COL26A1: variants seen among roughly 807,000 people sequenced by gnomAD.
COL26A1 encodes the protein collagen type XXVI alpha 1 chain, also known as collagen alpha-1(XXVI) chain.
COL26A1 carries 41 observed loss-of-function variants against 59.3 expected under a neutral mutation model. That is an observed-to-expected ratio of 0.69 (90% CI 0.54 to 0.90). The LOEUF is 0.90. Among genes scored for constraint, COL26A1 ranks in the 40% least tolerant of loss-of-function variants. The pLI is 0.00. For synonymous variants in COL26A1, 266 were observed against 256.0 expected (o/e 1.04, Z -0.37); for missense variants, 612 against 602.3 (o/e 1.02, Z -0.17).
intron 10 of COL26A1, among the ~76,000 whole-genome samples, chr7:101,551,899 G>A (rs1371821002): frequency 6.6e-6 from 1 of 152,202 alleles, no homozygotes; most frequent in Non-Finnish European, 1.5e-5. Flanking sequence ...CACAGTGGAG[G>A]TGCTCTCTTC....
chr7:101,403,520 A>C (rs923986479), intron 1 of COL26A1, among the ~76,000 whole-genome samples: 4 of 147,522 alleles, frequency 2.7e-5, no homozygotes, highest in African/African-American at 9.7e-5. Context: ...CTCTGCTTCA[A>C]CAACAACAAC....
chr7:101,368,608 T>G (rs60374680), intron 1 of COL26A1, among the ~76,000 whole-genome samples: 3,449 of 152,232 alleles, frequency 0.023, 125 homozygotes, highest in African/African-American at 0.078. Context: ...AGGTGGTAAC[T>G]TCTAGGTTGT....
chr7:101,414,734 G>T lies in COL26A1; in HGVS notation c.159-5243G>T, dbSNP rs6976914. 8.7e-3 allele frequency among the ~76,000 whole-genome samples: 1,325 copies of T among 152,308 alleles called. 15 individuals are homozygous for T. The highest frequency in any genetic ancestry group is 0.029 in the African/African-American group (1,223 of 41,562). ...TTACAGGCATGAGCCACTGCGCCCG[G>T]CTCACCTTTCTTTTTGGAAACACAC... On this transcript the variant is annotated intron_variant, in intron 1 of 12. Transcript: ENST00000313669.
At chr7:101,485,273 G>A (rs1387951293) in intron 3 of COL26A1, among the ~76,000 whole-genome samples, 1 of 152,246 alleles carries the variant, frequency 6.6e-6, no homozygotes, top group African/African-American at 2.4e-5. Flanking sequence ...AGGTGATGCT[G>A]CCTCACCTGC....
At chr7:101,476,379 T>C (rs1241928078) in intron 3 of COL26A1, among the ~76,000 whole-genome samples, 1 of 152,198 alleles carries the variant, frequency 6.6e-6, no homozygotes, top group Non-Finnish European at 1.5e-5. Flanking sequence ...ATAGATCTAA[T>C]TGGTTTTTAT....
chr7:101,456,173 T>G lies in COL26A1; in HGVS notation c.385+8386T>G, dbSNP rs144067799. Among the ~76,000 whole-genome samples, 7 of 117,824 alleles carry G rather than the reference T, an allele frequency of 5.9e-5. No individual in the cohort carries two copies. The South Asian group carries it at 9.4e-4, about 16-fold the overall frequency. 77.3% of individuals were successfully genotyped at this position (117,824 alleles called of 152,430 possible). On this transcript the variant is annotated intron_variant, in intron 3 of 12. Transcript: ENST00000313669. ...GTAAGTATATATATATATATATTTT[T>G]TTTTTAATGGAGATAAAATTTACAC...
chr7:101,498,724 G>A (rs909989404), intron 3 of COL26A1, among the ~76,000 whole-genome samples: 1 of 152,202 alleles, frequency 6.6e-6, no homozygotes, highest in African/African-American at 2.4e-5. Context: ...GCAGTGAGAT[G>A]TTCTTCTAGA....
chr7:101,485,799 GCC>G (rs1794255511), intron 3 of COL26A1, among the ~76,000 whole-genome samples: 1 of 152,136 alleles, frequency 6.6e-6, no homozygotes, highest in Non-Finnish European at 1.5e-5. Context: ...ATGAGCCGAG[GCC>G]CAGCCGCGGC....
intron 3 of COL26A1, among the ~76,000 whole-genome samples, chr7:101,513,304 A>G (rs943003659): frequency 6.6e-6 from 1 of 150,652 alleles, no homozygotes; most frequent in Non-Finnish European, 1.5e-5. Context: ...CACCACGCCC[A>G]GCCTCTATTT....
intron 8 of COL26A1, among the ~76,000 whole-genome samples, chr7:101,548,049 C>T (rs547360157): frequency 2.0e-5 from 3 of 152,154 alleles, no homozygotes; most frequent in African/African-American, 7.2e-5. Context: ...TGGGGCGTGG[C>T]GGGGAGGCGC....
chr7:101,383,078 A>G (rs1276995363), intron 1 of COL26A1, among the ~76,000 whole-genome samples: 1 of 152,152 alleles, frequency 6.6e-6, no homozygotes, highest in African/African-American at 2.4e-5. Flanking sequence ...CATGCTTATA[A>G]CATTGTGTGT....
At chr7:101,418,913 A>G (rs886306730) in intron 1 of COL26A1, among the ~76,000 whole-genome samples, 4 of 151,436 alleles carry the variant, frequency 2.6e-5, no homozygotes, top group Non-Finnish European at 4.4e-5. Flanking sequence ...GAAGGCATTT[A>G]TTCCCTAGCC....
At chr7:101,550,473 T>C (rs1380231096) in intron 9 of COL26A1, among the ~76,000 whole-genome samples, 5 of 151,204 alleles carry the variant, frequency 3.3e-5, no homozygotes, top group Non-Finnish European at 5.9e-5. Context: ...TAAAAAAAAT[T>C]AATTAATTAA....
At chr7:101,484,788 G>A (rs1236926673) in intron 3 of COL26A1, among the ~76,000 whole-genome samples, 1 of 151,434 alleles carries the variant, frequency 6.6e-6, no homozygotes, top group Non-Finnish European at 1.5e-5. Context: ...TCAGCCTCCC[G>A]AGTAGCTAGG....
At chr7:101,440,476 G>A (rs991362290) in intron 2 of COL26A1, among the ~76,000 whole-genome samples, 2 of 152,164 alleles carry the variant, frequency 1.3e-5, no homozygotes, top group African/African-American at 4.8e-5. Context: ...TTTTTTCCAA[G>A]ACTGGGGAAA....
In COL26A1 at chr7:101,545,401, G is replaced by C; in HGVS notation, c.767G>C (p.Gly256Ala). ...GAGATGGGGCGCCCCGGCCCCCCAGGACCACCCGGCCCAGCAGGCAACCCA... is the reference window on the plus strand; with the variant it reads ...GAGATGGGGCGCCCCGGCCCCCCAGCACCACCCGGCCCAGCAGGCAACCCA... ...PGEMGRPGPP[G>A]PPGPAGNPGP... The change falls in exon 7 of 13, where the codon GGA (glycine) becomes GCA (alanine). Residue 256 changes from glycine (G) to alanine (A), a missense_variant. Physicochemically the swap from Gly to Ala is moderately conservative, Grantham distance 60 (BLOSUM62 0). Coordinates refer to ENST00000313669, the MANE Select transcript of COL26A1 (RefSeq NM_001278563.3). The C allele has an allele frequency of 6.2e-7, 1 of 1,605,152 alleles. No individual in the cohort carries two copies. The highest frequency in any genetic ancestry group is 8.5e-7 in the Non-Finnish European group (1 of 1,177,016).
chr7:101,548,828 G>T (rs924149684), intron 8 of COL26A1, among the ~76,000 whole-genome samples: 1 of 152,106 alleles, frequency 6.6e-6, no homozygotes, highest in Admixed American at 6.5e-5. Context: ...GTCCCGAGGC[G>T]GGAAAGACCG....
intron 1 of COL26A1, among the ~76,000 whole-genome samples, chr7:101,411,281 G>A (rs2130241275): frequency 6.6e-6 from 1 of 152,302 alleles, no homozygotes. Flanking sequence ...TAGGACGAAG[G>A]CTAAGACAGA....
At chr7:101,497,290 C>T (rs1312363756) in intron 3 of COL26A1, among the ~76,000 whole-genome samples, 9 of 152,248 alleles carry the variant, frequency 5.9e-5, no homozygotes, top group African/African-American at 4.8e-5. Context: ...ACCCAGGGAG[C>T]GGGAGGCTCC....
Sources: allele counts gnomAD v4.1 joint callset (sites outside exome capture counted in the v4.1 genomes callset), GRCh38; gene constraint gnomAD v4.1.1; transcripts MANE v1.5; gene names NCBI Gene and HGNC (gene_info 2026-07-23, HGNC 2026-07-21).